Variants in WDPCP observed in about 807,000 individuals in gnomAD.
WDPCP encodes WD repeat containing planar cell polarity effector.
A neutral mutation model predicts 93.1 loss-of-function variants in WDPCP; 71 were observed. That is an observed-to-expected ratio of 0.76 (90% CI 0.63 to 0.93). WDPCP has a LOEUF of 0.93. Among genes scored for constraint, WDPCP ranks in the 40% least tolerant of loss-of-function variants. The pLI is 0.00. For missense variants in WDPCP, 844 were observed against 887.4 expected, an observed-to-expected ratio of 0.95 and a Z score of 0.62; for synonymous variants, 315 against 315.0, an observed-to-expected ratio of 1.00 and a Z score of 0.00.
intron 3 of WDPCP, among the ~76,000 whole-genome samples, chr2:63,600,755 G>A (rs747033561): frequency 6.6e-5 from 10 of 152,178 alleles, no homozygotes; most frequent in Non-Finnish European, 1.3e-4. Flanking sequence ...GCTGTGAGCT[G>A]GGTCTGGTGG....
At chr2:63,420,057 TACTTTATTTTTACTTTTTTAAAAGGTAC>T (rs1432200206) in intron 9 of WDPCP, among the ~76,000 whole-genome samples, 17 of 152,192 alleles carry the variant, frequency 1.1e-4, no homozygotes, top group Admixed American at 7.9e-4. Flanking sequence ...ATAAAAGGTA[TACTTTATTTTTACTTTTTTAAAAGGTAC>T]ACTTTATTTT....
intron 2 of WDPCP, among the ~76,000 whole-genome samples, chr2:63,702,282 T>A (rs969352228): frequency 2.0e-5 from 3 of 152,168 alleles, no homozygotes; most frequent in Admixed American, 6.5e-5. Flanking sequence ...TGCTTCGGCC[T>A]CCCAAAGTGC....
intron 14 of WDPCP, among the ~76,000 whole-genome samples, chr2:63,206,346 G>A (rs898065513): frequency 6.6e-6 from 1 of 152,096 alleles, no homozygotes. Context: ...AGCATTACTC[G>A]AATTAGTAAC....
chr2:63,376,311 T>A (rs1029267147), intron 12 of WDPCP, among the ~76,000 whole-genome samples: 1 of 151,920 alleles, frequency 6.6e-6, no homozygotes, highest in Admixed American at 6.6e-5. Flanking sequence ...CAGTTCCAGA[T>A]GTAACCACAT....
At chr2:63,510,577 G>T (rs1351245336) in intron 1 of WDPCP, among the ~76,000 whole-genome samples, 1 of 152,180 alleles carries the variant, frequency 6.6e-6, no homozygotes, top group Non-Finnish European at 1.5e-5. Context: ...GGAAGTTCTG[G>T]CCAGGGCTAT....
chr2:63,529,799 A>G (rs528659796), intron 1 of WDPCP, among the ~76,000 whole-genome samples: 1 of 152,312 alleles, frequency 6.6e-6, no homozygotes, highest in Admixed American at 6.5e-5. Flanking sequence ...TATCTCTCAT[A>G]GAATTCGGCT....
At chr2:63,486,837 G>A (rs1420590364) in intron 3 of WDPCP, among the ~76,000 whole-genome samples, 1 of 151,916 alleles carries the variant, frequency 6.6e-6, no homozygotes, top group Admixed American at 6.6e-5. Flanking sequence ...AATATCCTGA[G>A]CTTCCAATCT....
At chr2:63,438,010 A>C in intron 7 of WDPCP, 1 of 1,292,228 alleles carries the variant, frequency 7.7e-7, no homozygotes, top group African/African-American at 1.5e-5. Flanking sequence ...AAAAATTTTC[A>C]TCAGTGAATC....
chr2:63,700,144 T>C (rs1669023619), intron 2 of WDPCP, among the ~76,000 whole-genome samples: 1 of 151,750 alleles, frequency 6.6e-6, no homozygotes, highest in Non-Finnish European at 1.5e-5. Flanking sequence ...TAGCCAGGCA[T>C]GGTGGTGCAC....
At chr2:63,410,092 GA>G (rs1694915060) in intron 9 of WDPCP, among the ~76,000 whole-genome samples, 1 of 152,106 alleles carries the variant, frequency 6.6e-6, no homozygotes, top group Non-Finnish European at 1.5e-5. Flanking sequence ...TAAGACAAAG[GA>G]AAGAATTTTA....
chr2:63,298,546 T>C (rs1392844767), intron 13 of WDPCP, among the ~76,000 whole-genome samples: 3 of 152,074 alleles, frequency 2.0e-5, no homozygotes, highest in African/African-American at 7.2e-5. Flanking sequence ...CTTTCTCCCA[T>C]GCTGGATGCT....
intron 1 of WDPCP, among the ~76,000 whole-genome samples, chr2:63,566,414 A>C (rs1707058827): frequency 6.6e-6 from 1 of 152,216 alleles, no homozygotes; most frequent in South Asian, 2.1e-4. Context: ...CTGCCTTTCC[A>C]GACTGAGCCA....
chr2:63,758,692 G>A (rs529141653), intron 2 of WDPCP, among the ~76,000 whole-genome samples: 4 of 152,004 alleles, frequency 2.6e-5, no homozygotes, highest in Non-Finnish European at 4.4e-5. Flanking sequence ...TGCCTGCCTC[G>A]GCCTCCCAAA....
intron 10 of WDPCP, among the ~76,000 whole-genome samples, chr2:63,387,443 A>G (rs1415248679): frequency 6.6e-6 from 1 of 151,950 alleles, no homozygotes; most frequent in East Asian, 1.9e-4. Flanking sequence ...GCTTCATGTT[A>G]AAAAAAAGAA....
intron 3 of WDPCP, among the ~76,000 whole-genome samples, chr2:63,638,411 C>G (rs1337937656): frequency 6.6e-6 from 1 of 152,184 alleles, no homozygotes; most frequent in East Asian, 1.9e-4. Context: ...AATCATTTCA[C>G]AATCTATACA....
At chr2:63,646,157 T>C (rs1317074945) in intron 3 of WDPCP, among the ~76,000 whole-genome samples, 3 of 152,178 alleles carry the variant, frequency 2.0e-5, no homozygotes, top group Non-Finnish European at 4.4e-5. Context: ...TTTTATATTT[T>C]GTGTATTCAT....
chr2:63,537,169 A>G (rs1276633163), intron 1 of WDPCP, among the ~76,000 whole-genome samples: 1 of 152,216 alleles, frequency 6.6e-6, no homozygotes, highest in Non-Finnish European at 1.5e-5. Flanking sequence ...TCTTTAACAA[A>G]AATTTGTGCC....
intron 1 of WDPCP, among the ~76,000 whole-genome samples, chr2:63,535,374 T>A (rs1704194006): frequency 6.6e-6 from 1 of 152,170 alleles, no homozygotes; most frequent in South Asian, 2.1e-4. Flanking sequence ...AAAGTTCATA[T>A]GGAACCAAAA....
intron 15 of WDPCP, among the ~76,000 whole-genome samples, chr2:63,154,250 A>G (rs549758422): frequency 6.6e-6 from 1 of 152,156 alleles, no homozygotes; most frequent in African/African-American, 2.4e-5. Context: ...TACCATTACA[A>G]ACAGAATATA....
Sources: allele counts gnomAD v4.1 joint callset (sites outside exome capture counted in the v4.1 genomes callset), GRCh38; gene constraint gnomAD v4.1.1; transcripts MANE v1.5; gene names NCBI Gene and HGNC (gene_info 2026-07-23, HGNC 2026-07-21).